The following PCIF1 variants were observed in gnomAD, a reference collection of about 807,000 sequenced individuals.
PCIF1 encodes mRNA (2'-O-methyladenosine-N(6)-)-methyltransferase.
Under a neutral mutation model 86.9 loss-of-function variants are expected in PCIF1, and 12 were observed. The observed-to-expected ratio is 0.14, with a 90% CI of 0.09 to 0.22. The LOEUF is 0.22. Among genes scored for constraint, PCIF1 ranks in the 10% least tolerant of loss-of-function variants. The probability of loss-of-function intolerance (pLI) is 1.00; values close to 1 mark genes in which losing one functional copy is unlikely to be tolerated. For synonymous variants in PCIF1, 397 were observed against 372.0 expected (o/e 1.07, Z -0.77); for missense variants, 701 against 951.1 (o/e 0.74, Z 3.46).
At chr20:45,942,990 G>C (rs1254133357) in intron 7 of PCIF1, 107 bp from the exon 8 acceptor site, 9 of 1,161,750 alleles carry the variant, frequency 7.7e-6, no homozygotes, top group Non-Finnish European at 1.1e-5. Flanking sequence ...TTCTGAAGTG[G>C]GACTGTGTCT....
intron 14 of PCIF1, among the ~76,000 whole-genome samples, 163 bp from the exon 15 acceptor site, chr20:45,946,910 C>G (rs930713626): frequency 6.6e-6 from 1 of 152,148 alleles, no homozygotes; most frequent in African/African-American, 2.4e-5. Context: ...CTCATTCATT[C>G]AGTGGAGACG....
Position 45,943,867 on chromosome 20 carries a change from C to A in PCIF1, c.1005+102C>A. 1.1e-6 allele frequency: 1 copy of A among 918,314 alleles called. No homozygotes were observed. Among genetic ancestry groups the A allele is most frequent in the East Asian group, 2.7e-5 (1 of 37,624 alleles). The allele number at this position is 918,314 out of a possible 1,614,324, so 56.9% of individuals were successfully genotyped here. ...CCAGGCTGGGCAAGGCCTCCCCCAG[C>A]GGCCTATTCTTGTGCAGTATGGCAG... On this transcript the variant is annotated intron_variant, in intron 10 of 16. Transcript: ENST00000372409. This position sits in a 1 kb window ranked among gnomAD's most constrained non-coding sequence, Gnocchi z 5.5.
chr20:45,946,522 G>A, intron 14 of PCIF1, 138 bp downstream of exon 14: 2 of 1,080,140 alleles, frequency 1.9e-6, no homozygotes, highest in Non-Finnish European at 2.7e-6. Flanking sequence ...ATGTGACCTT[G>A]GACATGTTGC....
At chr20:45,935,249 G>A (rs1459359410) in intron 1 of PCIF1, among the ~76,000 whole-genome samples, 1 of 151,974 alleles carries the variant, frequency 6.6e-6, no homozygotes, top group African/African-American at 2.4e-5. Flanking sequence ...CGTCGCGCCT[G>A]CGTACTTTGT....
At chr20:45,941,446 T>G (rs1222840118) in intron 7 of PCIF1, among the ~76,000 whole-genome samples, 1 of 152,200 alleles carries the variant, frequency 6.6e-6, no homozygotes, top group African/African-American at 2.4e-5. Context: ...AACTGTAGTT[T>G]TTAATTTTAT....
In PCIF1 at chr20:45,939,303, G is replaced by A; in HGVS notation, c.213G>A (p.Leu71=). The A allele has an allele frequency of 6.2e-7, 1 of 1,613,788 alleles. No homozygotes were observed. Among genetic ancestry groups the A allele is most frequent in the South Asian group, 1.1e-5 (1 of 91,088 alleles). ...TCAACCGATTCACCAACCAGTCCCT[G>A]TGGGAGATGCCCGTGCTGGGGCAGC... ...YYFNRFTNQS[L]WEMPVLGQHD... The change falls in exon 4 of 17, where the codon CTG becomes CTA. Residue 71 remains leucine, a synonymous_variant. Transcript: ENST00000372409.
Position 45,947,886 on chromosome 20 carries a change from C to G in PCIF1, c.*131C>G. 6.5e-7 allele frequency: 1 copy of G among 1,532,656 alleles called. No individual in the cohort carries two copies. The highest frequency in any genetic ancestry group is 2.4e-5 in the East Asian group (1 of 40,926). The allele number at this position is 1,532,656 out of a possible 1,614,324, so 94.9% of individuals were successfully genotyped here. On this transcript the variant is annotated 3_prime_UTR_variant, in exon 17 of 17. Coordinates refer to ENST00000372409, the MANE Select transcript of PCIF1 (RefSeq NM_022104.4). The surrounding 1 kb of genome is among the most constrained non-coding windows in gnomAD (Gnocchi z 5.4). ...TATGGTTCTGCCAGGGCTCCCCTCC[C>G]TGCCTGTCCCCAAGTCCTCACCTCA...
At chr20:45,936,688 T>C (rs189330837) in intron 1 of PCIF1, among the ~76,000 whole-genome samples, 8 of 151,766 alleles carry the variant, frequency 5.3e-5, no homozygotes, top group Non-Finnish European at 8.8e-5. Context: ...CCCAGCACTT[T>C]AGGAGGCCCA....
intron 7 of PCIF1, among the ~76,000 whole-genome samples, chr20:45,942,727 G>A (rs763982373): frequency 2.8e-5 from 4 of 143,730 alleles, no homozygotes; most frequent in Admixed American, 1.4e-4. Flanking sequence ...CGATCCTCCC[G>A]CCTCAGCCTC....
intron 5 of PCIF1, 22 bp from the exon 6 acceptor site, chr20:45,940,787 A>G (rs988938947): frequency 2.5e-6 from 4 of 1,610,686 alleles, no homozygotes; most frequent in Non-Finnish European, 2.5e-6. Flanking sequence ...CTGACTTGAC[A>G]CCTTTGTGAC....
Position 45,947,222 on chromosome 20 carries a change from G to C in PCIF1, c.1708-41G>C, listed in dbSNP as rs2083537319. 6.2e-7 allele frequency: 1 copy of C among 1,600,660 alleles called. No individual in the cohort carries two copies. The highest frequency in any genetic ancestry group is 8.5e-7 in the Non-Finnish European group (1 of 1,169,806). Reference sequence around the variant, plus strand: ...AACAGGCAGGATTGCCAGCCACCTGGGAGGTAGTCCCTGACATCCACCCTG... The same window carrying C: ...AACAGGCAGGATTGCCAGCCACCTGCGAGGTAGTCCCTGACATCCACCCTG... On this transcript the variant is annotated intron_variant, in intron 15 of 16. Transcript: ENST00000372409. This position sits in a 1 kb window ranked among gnomAD's most constrained non-coding sequence, Gnocchi z 5.4.
Position 45,946,277 on chromosome 20 carries a change from C to T in PCIF1, c.1506C>T (p.His502=). 2 of 1,614,186 alleles carry T rather than the reference C, an allele frequency of 1.2e-6. No homozygotes were observed. Among genetic ancestry groups the T allele is most frequent in the South Asian group, 2.2e-5 (2 of 91,090 alleles). Reference sequence around the variant, plus strand: ...CTGTGCATGTCTTTGAGGCCCTCCACCGACTCTTTGGCGTCAGCTTCGAGT... The same window carrying T: ...CTGTGCATGTCTTTGAGGCCCTCCATCGACTCTTTGGCGTCAGCTTCGAGT... ...SLPVHVFEAL[H]RLFGVSFECF... The change falls in exon 14 of 17, where the codon CAC becomes CAT. Residue 502 remains histidine, a synonymous_variant. Transcript: ENST00000372409.
At chr20:45,944,676 TC>T (rs781623210) in intron 10 of PCIF1, among the ~76,000 whole-genome samples, 191 bp from the exon 11 acceptor site, 63 of 152,256 alleles carry the variant, frequency 4.1e-4, no homozygotes, top group Non-Finnish European at 8.1e-4. Flanking sequence ...GTTAGGTATC[TC>T]GTGTCCCCTT....
chr20:45,939,446 C>T, intron 4 of PCIF1, 107 bp downstream of exon 4: 1 of 1,486,358 alleles, frequency 6.7e-7, no homozygotes, highest in Non-Finnish European at 9.1e-7. Flanking sequence ...GTGCTGGCAC[C>T]TGCAGATACA....
At chr20:45,937,049 A>G (rs904354772) in intron 1 of PCIF1, among the ~76,000 whole-genome samples, 1 of 152,112 alleles carries the variant, frequency 6.6e-6, no homozygotes, top group Non-Finnish European at 1.5e-5. Context: ...CCACGTGCCC[A>G]GCCTAAGGGT....
intron 2 of PCIF1, 93 bp downstream of exon 2, chr20:45,937,678 C>T: frequency 2.5e-6 from 1 of 398,310 alleles, no homozygotes; most frequent in Non-Finnish European, 4.4e-6. Flanking sequence ...ATCAAGGCAG[C>T]TTCATTTTTT....
chr20:45,944,736 A>T, intron 10 of PCIF1, 132 bp from the exon 11 acceptor site: 1 of 941,364 alleles, frequency 1.1e-6, no homozygotes, highest in Non-Finnish European at 1.5e-6. Flanking sequence ...TGTCCAAGTG[A>T]CACAGCTAGT....
intron 2 of PCIF1, among the ~76,000 whole-genome samples, chr20:45,938,446 G>A (rs927132444): frequency 2.6e-5 from 4 of 152,114 alleles, no homozygotes; most frequent in Non-Finnish European, 5.9e-5. Context: ...GCTTCTCAAG[G>A]GCAGACCCTG....
Position 45,947,192 on chromosome 20 carries a change from T to C in PCIF1, c.1707+26T>C, listed in dbSNP as rs2083536732. ...GTGGGTGCACTGCCAGGGTGAGAGG[T>C]GGGCAACAGGCAGGATTGCCAGCCA... On this transcript the variant is annotated intron_variant, in intron 15 of 16. Coordinates refer to ENST00000372409, the MANE Select transcript of PCIF1 (RefSeq NM_022104.4). This position sits in a 1 kb window ranked among gnomAD's most constrained non-coding sequence, Gnocchi z 5.4. 1 of 1,604,494 alleles carries C rather than the reference T, an allele frequency of 6.2e-7. No individual in the cohort carries two copies. The highest frequency in any genetic ancestry group is 1.3e-5 in the African/African-American group (1 of 74,732).
Sources: allele counts gnomAD v4.1 joint callset (sites outside exome capture counted in the v4.1 genomes callset), GRCh38; gene constraint gnomAD v4.1.1; non-coding constraint Gnocchi (gnomAD v3.1); transcripts MANE v1.5; gene names NCBI Gene and HGNC (gene_info 2026-07-23, HGNC 2026-07-21).